CEACAM20: variants seen among roughly 807,000 people sequenced by gnomAD.
CEACAM20 encodes the protein cell adhesion molecule CEACAM20.
CEACAM20 carries 50 observed loss-of-function variants against 61.2 expected under a neutral mutation model. The observed-to-expected ratio is 0.82, with a 90% CI of 0.65 to 1.03. The LOEUF is 1.03. CEACAM20 is among the 50% of genes least tolerant of loss of function. CEACAM20 has a pLI of 0.00. For synonymous variants in CEACAM20, 282 were observed against 287.7 expected (o/e 0.98, Z 0.20); for missense variants, 683 against 736.4 (o/e 0.93, Z 0.84).
chr19:44,529,186 A>G, intron 1 of CEACAM20, among the ~76,000 whole-genome samples: 1 of 151,638 alleles, frequency 6.6e-6, no homozygotes, highest in African/African-American at 2.4e-5. Flanking sequence ...GCTGGTCTCA[A>G]ACTCCTGGCC....
At chr19:44,508,789 C>T (rs1051922200) in intron 11 of CEACAM20, among the ~76,000 whole-genome samples, 8 of 152,138 alleles carry the variant, frequency 5.3e-5, no homozygotes, top group African/African-American at 1.2e-4. Flanking sequence ...GCAGATATCA[C>T]GTAGGCCCAG....
chr19:44,511,941 G>T, intron 9 of CEACAM20, 76 bp downstream of exon 9: 1 of 1,370,514 alleles, frequency 7.3e-7, no homozygotes, highest in Non-Finnish European at 1.0e-6. Context: ...GATCATGCCA[G>T]CCCCCACCCT....
In CEACAM20 at chr19:44,517,095, C is replaced by T. The variant is rs771140726; in HGVS notation, c.1160G>A (p.Trp387Ter). 29 of 1,611,500 alleles carry T rather than the reference C, an allele frequency of 1.8e-5. No homozygotes were observed. The highest frequency in any genetic ancestry group is 1.6e-4 in the Middle Eastern group (1 of 6,082). The change falls in exon 6 of 12, where the codon TGG (tryptophan) becomes TAG (stop). Residue 387 changes from tryptophan (W) to a stop codon, truncating the protein, a stop_gained. Transcript: ENST00000614924. LOFTEE classifies it high-confidence loss of function. Reference sequence around the variant, plus strand: ...CTCCCCGGTGGAGTGTTCAAGAGTCCAGCGATACTCAGCACCTGGCTTGGA... The same window carrying T: ...CTCCCCGGTGGAGTGTTCAAGAGTCTAGCGATACTCAGCACCTGGCTTGGA... The part of the protein sequence containing the change: ...AESKPGAEYR[W>*]TLEHSTGEHL...
Position 44,520,547 on chromosome 19 carries a change from G to C in CEACAM20, c.957C>G (p.Thr319=), listed in dbSNP as rs12982449. The C allele has an allele frequency of 0.42, 675,318 of 1,613,610 alleles. 153,259 individuals are homozygous for C. The highest frequency in any genetic ancestry group is 0.78 in the African/African-American group (58,640 of 74,978). ...TCCAGACCTCACAGGCATAGGGCCC[G>C]GTGTCATTCCGCTGGAGGCCATGGA... ...LIIHGLQRND[T]GPYACEVWNW... Residue 319 remains threonine (T), a synonymous_variant, in exon 5 of 12, where the codon ACC becomes ACG. Transcript: ENST00000614924.
At chr19:44,516,123 T>C (rs1971146456) in intron 6 of CEACAM20, among the ~76,000 whole-genome samples, 3 of 152,294 alleles carry the variant, frequency 2.0e-5, no homozygotes, top group Admixed American at 1.3e-4. Context: ...CTAACAAGCA[T>C]TGGAGAAGGA....
chr19:44,525,378 G>A (rs764421627), intron 1 of CEACAM20, 134 bp from the exon 2 acceptor site: 32 of 724,890 alleles, frequency 4.4e-5, no homozygotes, highest in East Asian at 1.5e-4. Flanking sequence ...AGTCCTACTC[G>A]TTACTTACAG....
At chr19:44,518,103 AAAGGAAGGAAGGAAGGAAGGAAGG>A (rs761841554) in intron 5 of CEACAM20, among the ~76,000 whole-genome samples, 3 of 42,870 alleles carry the variant, frequency 7.0e-5, no homozygotes, top group African/African-American at 2.6e-4. Flanking sequence ...AGAAAGAAAG[AAAGGAAGGAAGGAAGGAAGGAAGG>A]AAGGAAGGAA....
At chr19:44,516,063 A>G (rs1971144670) in intron 6 of CEACAM20, among the ~76,000 whole-genome samples, 1 of 152,230 alleles carries the variant, frequency 6.6e-6, no homozygotes, top group Non-Finnish European at 1.5e-5. Context: ...TTTTACAGAT[A>G]ATAAATCAGA....
At chr19:44,522,599 A>C in intron 4 of CEACAM20, 35 bp downstream of exon 4, 1 of 1,599,430 alleles carries the variant, frequency 6.3e-7, no homozygotes, top group Non-Finnish European at 8.5e-7. Context: ...GACGCTCAGA[A>C]GAATGAAGGA....
rs1364460434 is a variant in CEACAM20, at chr19:44,524,232, G to A, written c.226C>T (p.Pro76Ser). 1 of 1,613,620 alleles carries A rather than the reference G, an allele frequency of 6.2e-7. No individual in the cohort carries two copies. Among genetic ancestry groups the A allele is most frequent in the African/African-American group, 1.3e-5 (1 of 74,874 alleles). The change falls in exon 3 of 12, where the codon CCA (proline) becomes TCA (serine). Residue 76 changes from proline to serine, a missense_variant. Transcript: ENST00000614924. Reference protein sequence around the residue: ...ELAKPSIAVSPGTAIEQKDMV... With the variant: ...ELAKPSIAVSSGTAIEQKDMV... ...TCCTTCTGCTCTATGGCAGTGCCTG[G>A]GCTGACTGCAATGGAGGGTTTGGCC...
chr19:44,516,988 T>C lies in CEACAM20; in HGVS notation c.1267A>G (p.Thr423Ala). 6.3e-7 allele frequency: 1 copy of C among 1,597,802 alleles called. No homozygotes were observed. Among genetic ancestry groups the C allele is most frequent in the Non-Finnish European group, 8.5e-7 (1 of 1,172,362 alleles). The part of the protein sequence containing the change: ...IYNCTASNSL[T>A]GLARSTSVLV... ...ACTGAAGTGGAGCGGGCCAGGCCAG[T>C]GAGAGAGTTGGAGGCTGTGCAGTTG... Residue 423 changes from threonine to alanine, a missense_variant, in exon 6 of 12, where the codon ACT becomes GCT. Physicochemically the swap from Thr to Ala is moderately conservative, Grantham distance 58. Transcript: ENST00000614924.
In CEACAM20 at chr19:44,523,409, AAATGAATGAATG is replaced by A. The variant is rs147633867; in HGVS notation, c.473-509_473-498del. Among the ~76,000 whole-genome samples, 606 of 149,906 alleles carry A rather than the reference AAATGAATGAATG, an allele frequency of 4.0e-3. 1 individual carries two copies. The highest frequency in any genetic ancestry group is 0.014 in the African/African-American group (560 of 40,608). ...GGACAGCAGAGAGAAATCTTGTCTC[AAATGAATGAATG>A]AATGAATGAATGAATGAATGAATGA... is the stretch of plus-strand genomic sequence containing the variant. On this transcript the variant is annotated intron_variant, in intron 3 of 11. Coordinates refer to ENST00000614924, the MANE Select transcript of CEACAM20 (RefSeq NM_001102597.3).
At chr19:44,527,053 G>A (rs1222152721) in intron 1 of CEACAM20, among the ~76,000 whole-genome samples, 1 of 152,142 alleles carries the variant, frequency 6.6e-6, no homozygotes, top group Non-Finnish European at 1.5e-5. Context: ...CCCAGTGAGT[G>A]AATAAGGGCA....
chr19:44,513,015 G>T lies in CEACAM20; in HGVS notation c.1428-62C>A, dbSNP rs1007930785. On this transcript the variant is annotated intron_variant, in intron 7 of 11. Coordinates refer to ENST00000614924, the MANE Select transcript of CEACAM20 (RefSeq NM_001102597.3). ...GTCCTTGCCCATCTCCACAGGTTCT[G>T]CCCATATCCCATGTCCATTCTTGAA... 9 of 1,430,828 alleles carry T rather than the reference G, an allele frequency of 6.3e-6. No individual in the cohort carries two copies. The East Asian group carries it at 2.1e-4, about 34-fold the overall frequency. The allele number at this position is 1,430,828 out of a possible 1,614,324, so 88.6% of individuals were successfully genotyped here. A position where few individuals can be genotyped will look rare whatever the true frequency, so the allele number is the denominator to read the frequency against.
chr19:44,512,968 C>A lies in CEACAM20; in HGVS notation c.1428-15G>T. 6.2e-7 allele frequency: 1 copy of A among 1,601,960 alleles called. No individual in the cohort carries two copies. Among genetic ancestry groups the A allele is most frequent in the Admixed American group, 1.7e-5 (1 of 58,542 alleles). Reference sequence around the variant, plus strand: ...TCCTTGAGGGCCTGAAACCCCAAAGCCCTCATTATTCTGTGCCTCTAGTCC... The same window carrying A: ...TCCTTGAGGGCCTGAAACCCCAAAGACCTCATTATTCTGTGCCTCTAGTCC... On this transcript the variant is annotated splice_polypyrimidine_tract_variant and intron_variant, in intron 7 of 11. Transcript: ENST00000614924.
intron 6 of CEACAM20, among the ~76,000 whole-genome samples, chr19:44,515,126 C>T (rs1018762846): frequency 6.6e-6 from 1 of 152,192 alleles, no homozygotes; most frequent in African/African-American, 2.4e-5. Context: ...ACTTGAGCCA[C>T]AGTGCCCGGC....
At chr19:44,513,615 C>A (rs924851414) in intron 6 of CEACAM20, among the ~76,000 whole-genome samples, 3 of 151,574 alleles carry the variant, frequency 2.0e-5, no homozygotes, top group Admixed American at 6.6e-5. Flanking sequence ...TTTTTGTATT[C>A]TTTGGTAGAG....
At chr19:44,518,152 AAGGAAGGAAGG>A (rs1971242686) in intron 5 of CEACAM20, among the ~76,000 whole-genome samples, 1 of 90,766 alleles carries the variant, frequency 1.1e-5, no homozygotes, top group Non-Finnish European at 2.3e-5. Context: ...GGAAGGAAGG[AAGGAAGGAAGG>A]AAGGAAGAAA....
intron 10 of CEACAM20, 121 bp downstream of exon 10, chr19:44,511,516 G>A: frequency 9.9e-7 from 1 of 1,005,218 alleles, no homozygotes; most frequent in Non-Finnish European, 1.5e-6. Flanking sequence ...TCCCATCCCT[G>A]GCCCTGTGAT....
Sources: gnomAD v4.1 joint callset for allele counts (sites outside exome capture counted in the v4.1 genomes callset) on GRCh38, gnomAD v4.1.1 for gene constraint, MANE v1.5 for transcripts, NCBI Gene and HGNC (gene_info 2026-07-23, HGNC 2026-07-21) for gene names.